DTNA: variants seen among roughly 807,000 people sequenced by gnomAD.
DTNA encodes dystrophin-related protein 3.
In DTNA, 43 loss-of-function variants were observed where a neutral mutation model predicts 100.7. That is an observed-to-expected ratio of 0.43 (90% confidence interval 0.33 to 0.55). The LOEUF (loss-of-function observed/expected upper bound fraction) is 0.55. Ranked by LOEUF, DTNA falls within the 20% of genes least tolerant of loss-of-function variation. The pLI, the probability that DTNA is intolerant of heterozygous loss-of-function variation, is 0.04. For synonymous variants in DTNA, 349 were observed against 347.9 expected (o/e 1.00, Z -0.04); for missense variants, 798 against 953.9 (o/e 0.84, Z 2.15).
At chr18:34,866,367 A>G (rs2150193776) in intron 17 of DTNA, 2 of 1,401,404 alleles carry the variant, frequency 1.4e-6, no homozygotes, top group East Asian at 5.4e-5. Flanking sequence ...ATCTTTTAGA[A>G]AAGGGAACGA....
chr18:34,581,623 T>TG (rs1375912924), intron 1 of DTNA, among the ~76,000 whole-genome samples: 8 of 143,804 alleles, frequency 5.6e-5, no homozygotes, highest in African/African-American at 1.6e-4. Flanking sequence ...CCTAGTTAGT[T>TG]TTTTTTTTTT....
intron 1 of DTNA, among the ~76,000 whole-genome samples, chr18:34,529,547 A>G (rs966440071): frequency 2.0e-5 from 3 of 152,124 alleles, no homozygotes; most frequent in Non-Finnish European, 4.4e-5. Flanking sequence ...CAGTGTCCAT[A>G]AGAGAATAAC....
chr18:34,796,875 A>T (rs2094994707), intron 4 of DTNA, among the ~76,000 whole-genome samples: 1 of 152,094 alleles, frequency 6.6e-6, no homozygotes, highest in Admixed American at 6.6e-5. Flanking sequence ...ACTGGGATGT[A>T]CTTCTGAGAG....
At chr18:34,591,680 T>C (rs2049741143) in intron 1 of DTNA, among the ~76,000 whole-genome samples, 1 of 152,206 alleles carries the variant, frequency 6.6e-6, no homozygotes, top group Non-Finnish European at 1.5e-5. Flanking sequence ...GTCATTAGAA[T>C]GCCCGTCTAT....
intron 1 of DTNA, among the ~76,000 whole-genome samples, chr18:34,694,390 C>CT (rs1474622600): frequency 6.6e-6 from 1 of 152,170 alleles, no homozygotes; most frequent in Non-Finnish European, 1.5e-5. Flanking sequence ...TGACAATTTA[C>CT]TGTTTGAGCT....
At chr18:34,624,715 T>G (rs1227991086) in intron 1 of DTNA, among the ~76,000 whole-genome samples, 1 of 152,194 alleles carries the variant, frequency 6.6e-6, no homozygotes, top group Non-Finnish European at 1.5e-5. Context: ...GATAAAAAGA[T>G]GAATTAGACG....
chr18:34,810,757 G>T (rs905293278), intron 5 of DTNA, among the ~76,000 whole-genome samples: 3 of 152,136 alleles, frequency 2.0e-5, no homozygotes, highest in Admixed American at 1.3e-4. Flanking sequence ...CCATTATCCT[G>T]ATGTGATCAT....
At chr18:34,850,698 A>G (rs2096463081) in intron 14 of DTNA, among the ~76,000 whole-genome samples, 3 of 152,236 alleles carry the variant, frequency 2.0e-5, no homozygotes, top group Admixed American at 2.0e-4. Context: ...ATTGGTGTGG[A>G]GGAATTTCTA....
chr18:34,708,324 A>G (rs1270031543), upstream of DTNA: 1 of 152,210 alleles, frequency 6.6e-6, no homozygotes, highest in East Asian at 1.9e-4. Flanking sequence ...ATCTATGTAT[A>G]TAATTTATAT....
intron 1 of DTNA, among the ~76,000 whole-genome samples, chr18:34,645,899 A>G (rs1231013385): frequency 6.6e-6 from 1 of 152,116 alleles, no homozygotes; most frequent in African/African-American, 2.4e-5. Context: ...TCCTCTTGGT[A>G]CATCTCCATC....
chr18:34,749,141 A>G (rs1178153860), intron 1 of DTNA, among the ~76,000 whole-genome samples: 1 of 152,148 alleles, frequency 6.6e-6, no homozygotes, highest in Non-Finnish European at 1.5e-5. Context: ...GTGTATATCA[A>G]TGCTACTGAT....
At chr18:34,505,809 A>C (rs982852862) in intron 1 of DTNA, among the ~76,000 whole-genome samples, 1 of 152,112 alleles carries the variant, frequency 6.6e-6, no homozygotes, top group Admixed American at 6.5e-5. Context: ...AATAATTCTA[A>C]CATCTCTGGG....
chr18:34,769,725 C>CTTTTTTTT (rs61242937), intron 3 of DTNA, among the ~76,000 whole-genome samples: 619 of 53,876 alleles, frequency 0.011, 168 homozygotes, highest in Non-Finnish European at 0.02. Context: ...CCCTCTGGGG[C>CTTTTTTTT]TTTTTTTTTT....
chr18:34,622,682 C>G (rs1486289052), intron 1 of DTNA, among the ~76,000 whole-genome samples: 1 of 152,188 alleles, frequency 6.6e-6, no homozygotes, highest in Non-Finnish European at 1.5e-5. Flanking sequence ...GGGTTACACT[C>G]TTCCTTTCCT....
At chr18:34,605,319 A>G (rs762622047) in intron 1 of DTNA, among the ~76,000 whole-genome samples, 1 of 152,170 alleles carries the variant, frequency 6.6e-6, no homozygotes, top group Non-Finnish European at 1.5e-5. Context: ...TACCAAATGT[A>G]TGGACCCACA....
intron 20 of DTNA, among the ~76,000 whole-genome samples, chr18:34,880,529 A>T (rs927258425): frequency 6.6e-6 from 1 of 152,202 alleles, no homozygotes; most frequent in Non-Finnish European, 1.5e-5. Flanking sequence ...TGGGGGAGGG[A>T]GTTTCTGAAT....
At chr18:34,642,772 G>A (rs2059432742) in intron 1 of DTNA, among the ~76,000 whole-genome samples, 1 of 151,924 alleles carries the variant, frequency 6.6e-6, no homozygotes. Context: ...TTGGCTAGGG[G>A]GGTCTCGATC....
intron 1 of DTNA, among the ~76,000 whole-genome samples, chr18:34,628,391 G>C (rs1017580193): frequency 2.0e-5 from 3 of 152,188 alleles, no homozygotes; most frequent in African/African-American, 7.2e-5. Context: ...TTTTGATCCT[G>C]TTTTGCCATA....
At chr18:34,823,229 T>TA (rs1423799616) in intron 9 of DTNA, among the ~76,000 whole-genome samples, 2 of 152,218 alleles carry the variant, frequency 1.3e-5, no homozygotes, top group African/African-American at 2.4e-5. Context: ...TAAATGGTAT[T>TA]AAGCCTTAAT....
Sources: gnomAD v4.1 joint callset for allele counts (sites outside exome capture counted in the v4.1 genomes callset) on GRCh38, gnomAD v4.1.1 for gene constraint, MANE v1.5 for transcripts, NCBI Gene and HGNC (gene_info 2026-07-23, HGNC 2026-07-21) for gene names.